Variants in HIP1 observed in about 807,000 individuals in gnomAD.
The protein encoded by HIP1 is huntingtin-interacting protein 1.
A neutral mutation model predicts 147.6 loss-of-function variants in HIP1; 65 were observed. The observed-to-expected ratio is 0.44, with a 90% CI of 0.36 to 0.54. HIP1 has a LOEUF of 0.54. HIP1 is among the 20% of genes least tolerant of loss of function. HIP1 has a pLI of 0.00. For synonymous variants in HIP1, 479 were observed against 504.0 expected (o/e 0.95, Z 0.67); for missense variants, 1,061 against 1,299.6 (o/e 0.82, Z 2.82).
At chr7:75,735,589 C>A (rs1548521) in intron 1 of HIP1, among the ~76,000 whole-genome samples, 20,586 of 152,042 alleles carry the variant, frequency 0.14, 2,087 homozygotes, top group East Asian at 0.46. Flanking sequence ...TCTGCAACCT[C>A]ATAATACATT....
At chr7:75,655,814 T>C (rs921764711) in intron 1 of HIP1, among the ~76,000 whole-genome samples, 7 of 152,116 alleles carry the variant, frequency 4.6e-5, no homozygotes, top group Middle Eastern at 3.4e-3. Flanking sequence ...TGCCACTGAA[T>C]TGTATACTTA....
intron 1 of HIP1, among the ~76,000 whole-genome samples, chr7:75,710,186 C>T (rs1026168341): frequency 3.3e-5 from 5 of 152,154 alleles, no homozygotes; most frequent in Admixed American, 6.6e-5. Flanking sequence ...GCGTGAGCCA[C>T]TGTGCCTGGC....
intron 1 of HIP1, among the ~76,000 whole-genome samples, chr7:75,717,200 C>T (rs973060657): frequency 6.6e-6 from 1 of 152,046 alleles, no homozygotes; most frequent in Non-Finnish European, 1.5e-5. Context: ...TGATGGAATG[C>T]CTATGGTATT....
At chr7:75,607,587 G>A (rs1554504072) in intron 1 of HIP1, among the ~76,000 whole-genome samples, 1 of 150,972 alleles carries the variant, frequency 6.6e-6, no homozygotes, top group African/African-American at 2.4e-5. Flanking sequence ...TGTAGTCCCA[G>A]GTACTTGGGA....
At position 75,713,701 on chromosome 7, in the gene HIP1, A is replaced by ATTTT. The variant is rs10685090; in HGVS notation, c.120+25096_120+25099dup. Among the ~76,000 whole-genome samples the ATTTT allele has an allele frequency of 3.1e-4, 46 of 146,094 alleles. 1 individual carries two copies. Among genetic ancestry groups the ATTTT allele is most frequent in the African/African-American group, 8.0e-4 (32 of 39,764 alleles). ...CTAAGGGTTTGCTGAGTGACATGCC[A>ATTTT]TTTTTTTTTTTTTGAGGTGGAGTCT... On this transcript the variant is annotated intron_variant, in intron 1 of 30. Transcript: ENST00000336926.
rs182089327 is a variant in HIP1, at chr7:75,534,181, G to A, written c.*3991C>T. The A allele has an allele frequency of 5.2e-4, 118 of 228,498 alleles. No homozygotes were observed. Among genetic ancestry groups the A allele is most frequent in the Non-Finnish European group, 8.6e-4 (99 of 115,000 alleles). The allele number at this position is 228,498 out of a possible 1,614,324, so 14.2% of individuals were successfully genotyped here. On this transcript the variant is annotated 3_prime_UTR_variant, in exon 31 of 31. Coordinates refer to ENST00000336926, the MANE Select transcript of HIP1 (RefSeq NM_005338.7). ...TCTGACCGGAGCGACATGTACCTGT[G>A]ATTCCCGTGTTACCTGGTGGCATAA...
chr7:75,555,289 C>T (rs1468357853), intron 19 of HIP1, 127 bp downstream of exon 19: 1 of 1,066,990 alleles, frequency 9.4e-7, no homozygotes, highest in East Asian at 2.5e-5. Flanking sequence ...CCTGGGCGCC[C>T]CTAAGGTAAT....
At position 75,582,074 on chromosome 7, in the gene HIP1, C is replaced by A; in HGVS notation, c.542+1G>T. On this transcript the variant is annotated splice_donor_variant, in intron 6 of 30. Transcript: ENST00000336926. LOFTEE classifies it high-confidence loss of function. Reference sequence around the variant, plus strand: ...CTGGGCTCAGGGCAGGAGCCACTTACAAGTTGTTCACGTCACTTTCTCCAG... The same window carrying A: ...CTGGGCTCAGGGCAGGAGCCACTTAAAAGTTGTTCACGTCACTTTCTCCAG... 6.2e-7 allele frequency: 1 copy of A among 1,613,354 alleles called. No individual in the cohort carries two copies. Among genetic ancestry groups the A allele is most frequent in the Non-Finnish European group, 8.5e-7 (1 of 1,179,514 alleles).
chr7:75,702,939 T>C (rs573548476), intron 1 of HIP1, among the ~76,000 whole-genome samples: 3 of 152,330 alleles, frequency 2.0e-5, no homozygotes, highest in East Asian at 3.9e-4. Context: ...TACCTCCCAT[T>C]AGGCCCCCAT....
intron 19 of HIP1, among the ~76,000 whole-genome samples, chr7:75,555,186 G>C (rs916368276): frequency 2.0e-5 from 1 of 49,166 alleles, no homozygotes; most frequent in Admixed American, 1.4e-4. Flanking sequence ...ATCTCAAAAA[G>C]CGGGGGGGCG....
At chr7:75,600,150 G>A (rs1459304339) in intron 1 of HIP1, among the ~76,000 whole-genome samples, 3 of 147,430 alleles carry the variant, frequency 2.0e-5, no homozygotes, top group South Asian at 2.2e-4. Context: ...TTACTCTGTC[G>A]CCCAGGCTAG....
intron 2 of HIP1, among the ~76,000 whole-genome samples, chr7:75,597,807 A>G (rs1350196535): frequency 6.6e-5 from 10 of 150,482 alleles, no homozygotes; most frequent in Admixed American, 6.6e-4. Context: ...CCCAGCACAC[A>G]GAGAGTTAAA....
At chr7:75,661,505 G>A (rs62475501) in intron 1 of HIP1, among the ~76,000 whole-genome samples, 13,365 of 149,572 alleles carry the variant, frequency 0.089, 712 homozygotes, top group South Asian at 0.12. Flanking sequence ...CCCAGGAGGC[G>A]GAGGTTGCAG....
chr7:75,547,548 G>A (rs587701827), intron 24 of HIP1, among the ~76,000 whole-genome samples: 2 of 152,222 alleles, frequency 1.3e-5, no homozygotes, highest in Non-Finnish European at 2.9e-5. Context: ...GATTACAGGC[G>A]GGAGCTACCG....
In HIP1 at chr7:75,588,353, C is replaced by T. The variant is rs769639041; in HGVS notation, c.385-1520G>A. Reference sequence around the variant, plus strand: ...CATGGGCAAAATGCACCAAAAGGGACGGAGGACAGAAACAAATCTCTAAAG... The same window carrying T: ...CATGGGCAAAATGCACCAAAAGGGATGGAGGACAGAAACAAATCTCTAAAG... On this transcript the variant is annotated intron_variant, in intron 4 of 30. Coordinates refer to ENST00000336926, the MANE Select transcript of HIP1 (RefSeq NM_005338.7). Among the ~76,000 whole-genome samples, 8 of 152,042 alleles carry T rather than the reference C, an allele frequency of 5.3e-5. 1 individual carries two copies. Among genetic ancestry groups the T allele is most frequent in the African/African-American group, 1.4e-4 (6 of 41,446 alleles).
chr7:75,613,919 T>TC (rs1554505500), intron 1 of HIP1, among the ~76,000 whole-genome samples: 1 of 148,382 alleles, frequency 6.7e-6, no homozygotes, highest in African/African-American at 2.5e-5. Context: ...AGAGATGGGG[T>TC]TTGCTATGTT....
intron 1 of HIP1, among the ~76,000 whole-genome samples, chr7:75,698,139 G>A (rs1476341135): frequency 6.6e-6 from 1 of 151,996 alleles, no homozygotes; most frequent in Non-Finnish European, 1.5e-5. Flanking sequence ...ACTATCAACA[G>A]GTCTATTCTA....
At chr7:75,595,251 T>TCTTTCTTTCTTTCTTTCTTCCTTC in intron 2 of HIP1, among the ~76,000 whole-genome samples, 1 of 59,536 alleles carries the variant, frequency 1.7e-5, no homozygotes, top group East Asian at 5.0e-4. Context: ...TTTCTTTCTT[T>TCTTTCTTTCTTTCTTTCTTCCTTC]CTTCCTTCCT....
intron 1 of HIP1, among the ~76,000 whole-genome samples, chr7:75,600,658 T>C (rs1262598068): frequency 6.6e-6 from 1 of 152,198 alleles, no homozygotes; most frequent in African/African-American, 2.4e-5. Context: ...TCTACAAAAA[T>C]TAGATTGTCA....
Sources: gnomAD v4.1 joint callset for allele counts (sites outside exome capture counted in the v4.1 genomes callset) on GRCh38, gnomAD v4.1.1 for gene constraint, MANE v1.5 for transcripts, NCBI Gene and HGNC (gene_info 2026-07-23, HGNC 2026-07-21) for gene names.